Variants in EYS observed in about 807,000 individuals in gnomAD.
The protein encoded by EYS is protein eyes shut homolog.
Under a neutral mutation model 282.1 loss-of-function variants are expected in EYS, and 250 were observed. That is an observed-to-expected ratio of 0.89 (90% CI 0.80 to 0.98). EYS has a LOEUF of 0.98. Ranked by LOEUF, EYS falls within the 50% of genes least tolerant of loss-of-function variation. The pLI is 0.00. For missense variants in EYS, 4,016 were observed against 3,709.0 expected, an observed-to-expected ratio of 1.08 and a Z score of -2.15; for synonymous variants, 1,355 against 1,282.9, an observed-to-expected ratio of 1.06 and a Z score of -1.20.
rs1306777927 is a variant in EYS at position 65,552,136 on chromosome 6, T to C, written c.-332-56143A>G. ...ATCAAAACCACTATGAGATACTATA[T>C]CTTTCTGATCAGGGAGAAACCTCAA... On this transcript the variant is annotated intron_variant, in intron 2 of 42. Coordinates refer to ENST00000503581, the MANE Select transcript of EYS (RefSeq NM_001142800.2). Among the ~76,000 whole-genome samples, 4 of 152,080 alleles carry C rather than the reference T, an allele frequency of 2.6e-5. 2 individuals carry two copies. Among genetic ancestry groups the C allele is most frequent in the African/African-American group, 9.7e-5 (4 of 41,394 alleles).
At chr6:64,669,747 G>A (rs932902952) in intron 22 of EYS, among the ~76,000 whole-genome samples, 3 of 152,208 alleles carry the variant, frequency 2.0e-5, no homozygotes, top group East Asian at 3.9e-4. Context: ...AGAATGTTGA[G>A]AGTGGGAATG....
intron 22 of EYS, among the ~76,000 whole-genome samples, chr6:64,724,845 G>GA (rs1194525588): frequency 6.6e-6 from 1 of 152,022 alleles, no homozygotes; most frequent in Non-Finnish European, 1.5e-5. Context: ...CCACTTTTAA[G>GA]AAAAATAATT....
chr6:65,153,576 T>A (rs977566384), intron 12 of EYS, among the ~76,000 whole-genome samples: 1 of 151,808 alleles, frequency 6.6e-6, no homozygotes, highest in African/African-American at 2.4e-5. Flanking sequence ...AGAGAAAATT[T>A]TCTTATAAAC....
At chr6:65,277,455 A>G (rs1275592876) in intron 12 of EYS, among the ~76,000 whole-genome samples, 1 of 149,716 alleles carries the variant, frequency 6.7e-6, no homozygotes, top group Admixed American at 6.7e-5. Flanking sequence ...TAATTAATTA[A>G]AAAAAAAAGC....
intron 36 of EYS, among the ~76,000 whole-genome samples, chr6:63,860,745 C>G (rs1215782792): frequency 6.6e-6 from 1 of 152,188 alleles, no homozygotes; most frequent in African/African-American, 2.4e-5. Flanking sequence ...CAGACTAAGA[C>G]AATGCCACAT....
At chr6:64,110,985 G>A (rs1326195260) in intron 31 of EYS, among the ~76,000 whole-genome samples, 2 of 151,962 alleles carry the variant, frequency 1.3e-5, no homozygotes, top group East Asian at 1.9e-4. Context: ...AAGAATCATA[G>A]GGCAGTAGCT....
At chr6:64,004,873 A>G (rs972712177) in intron 33 of EYS, among the ~76,000 whole-genome samples, 1 of 152,174 alleles carries the variant, frequency 6.6e-6, no homozygotes, top group African/African-American at 2.4e-5. Context: ...ACTGATATGC[A>G]TTTAGGTTGA....
At chr6:64,498,696 T>A (rs1401760483) in intron 26 of EYS, among the ~76,000 whole-genome samples, 1 of 151,248 alleles carries the variant, frequency 6.6e-6, no homozygotes. Context: ...ATTGTTCAAC[T>A]CCCACTTATA....
chr6:65,516,688 A>C (rs7752247), intron 2 of EYS, among the ~76,000 whole-genome samples: 33,797 of 151,976 alleles, frequency 0.22, 4,179 homozygotes, highest in African/African-American at 0.3. Context: ...CTTCGAAATT[A>C]GTACAAATAT....
intron 31 of EYS, among the ~76,000 whole-genome samples, chr6:64,102,493 T>C (rs1370973981): frequency 1.3e-5 from 2 of 152,120 alleles, no homozygotes; most frequent in Non-Finnish European, 2.9e-5. Flanking sequence ...ATGATTAAGC[T>C]GCCAATCAGA....
intron 22 of EYS, among the ~76,000 whole-genome samples, chr6:64,629,959 A>G (rs1767727331): frequency 6.6e-6 from 1 of 152,204 alleles, no homozygotes; most frequent in Admixed American, 6.5e-5. Context: ...GTGAGAGGAA[A>G]TGTTTGCCTG....
chr6:64,690,711 G>T (rs1265666163), intron 22 of EYS, among the ~76,000 whole-genome samples: 2 of 152,006 alleles, frequency 1.3e-5, no homozygotes, highest in Non-Finnish European at 2.9e-5. Flanking sequence ...CCATCATTCT[G>T]AGCATACTCG....
At chr6:65,127,996 T>C (rs1198606786) in intron 12 of EYS, among the ~76,000 whole-genome samples, 2 of 152,050 alleles carry the variant, frequency 1.3e-5, no homozygotes, top group African/African-American at 4.8e-5. Context: ...ACTTACATGA[T>C]GAAAGATCCC....
chr6:64,531,012 C>A (rs9451906), intron 26 of EYS, among the ~76,000 whole-genome samples: 5,744 of 152,146 alleles, frequency 0.038, 246 homozygotes, highest in African/African-American at 0.11. Context: ...GGAGAGATTG[C>A]CACACTATTT....
chr6:65,098,152 G>T (rs191342464), intron 12 of EYS, among the ~76,000 whole-genome samples: 1 of 150,708 alleles, frequency 6.6e-6, no homozygotes, highest in African/African-American at 2.4e-5. Context: ...TAAGGAAGAG[G>T]CGCAATATAA....
rs144594232 is a variant in EYS at position 65,325,245 on chromosome 6, A to T, written c.1766+9735T>A. On this transcript the variant is annotated intron_variant, in intron 11 of 42. Transcript: ENST00000503581. ...TTCTTCATCCTCCTCATCCTTCTTC[A>T]TCTAGCTGTGATATTTTTTGTCCTG... Among the ~76,000 whole-genome samples the T allele has an allele frequency of 9.4e-3, 1,424 of 151,728 alleles. 23 individuals are homozygous for T. The highest frequency in any genetic ancestry group is 0.032 in the African/African-American group (1,334 of 41,320).
intron 12 of EYS, among the ~76,000 whole-genome samples, chr6:65,101,215 A>G (rs1187462381): frequency 2.0e-5 from 3 of 151,170 alleles, no homozygotes; most frequent in African/African-American, 7.3e-5. Flanking sequence ...AGTAAGCCTT[A>G]GTTTGAAGGC....
chr6:64,770,634 G>A (rs1025530191), intron 22 of EYS, among the ~76,000 whole-genome samples: 1 of 151,796 alleles, frequency 6.6e-6, no homozygotes, highest in Non-Finnish European at 1.5e-5. Flanking sequence ...CTTTACAGTA[G>A]GTGAGTTTGG....
intron 12 of EYS, among the ~76,000 whole-genome samples, chr6:65,287,971 T>C (rs535965997): frequency 4.6e-5 from 7 of 151,312 alleles, no homozygotes; most frequent in Admixed American, 1.3e-4. Context: ...GGCAAAAATA[T>C]AATGCCCAAC....
Sources: gnomAD v4.1 joint callset for allele counts (sites outside exome capture counted in the v4.1 genomes callset) on GRCh38, gnomAD v4.1.1 for gene constraint, MANE v1.5 for transcripts, NCBI Gene and HGNC (gene_info 2026-07-23, HGNC 2026-07-21) for gene names.